PTPRD: variants seen among roughly 807,000 people sequenced by gnomAD.
PTPRD encodes the protein protein tyrosine phosphatase receptor type D.
Under a neutral mutation model 214.5 loss-of-function variants are expected in PTPRD, and 34 were observed. That is an observed-to-expected ratio of 0.16 (90% CI 0.12 to 0.21). The LOEUF is 0.21. PTPRD is among the 10% of genes least tolerant of loss of function. PTPRD has a pLI of 1.00. For missense variants in PTPRD, 2,545 were observed against 2,398.7 expected (o/e 1.06, Z -1.27); for synonymous variants, 1,128 against 845.7 (o/e 1.33, Z -5.79).
intron 8 of PTPRD, among the ~76,000 whole-genome samples, chr9:9,524,877 A>G (rs2073680894): frequency 6.6e-6 from 1 of 151,892 alleles, no homozygotes; most frequent in Non-Finnish European, 1.5e-5. Flanking sequence ...TTGTTTGTTG[A>G]GACGGAGTCT....
intron 3 of PTPRD, among the ~76,000 whole-genome samples, chr9:10,216,996 G>A (rs1445508744): frequency 6.6e-6 from 1 of 151,716 alleles, no homozygotes; most frequent in Non-Finnish European, 1.5e-5. Context: ...CCTTTTTATT[G>A]TTATTGGCCT....
At chr9:10,146,108 A>C (rs1241206607) in intron 3 of PTPRD, among the ~76,000 whole-genome samples, 1 of 150,918 alleles carries the variant, frequency 6.6e-6, no homozygotes, top group African/African-American at 2.4e-5. Context: ...TTATTTTCTT[A>C]GTTTCCTCTC....
intron 14 of PTPRD, among the ~76,000 whole-genome samples, chr9:8,619,942 T>G (rs1322237775): frequency 2.6e-5 from 4 of 152,030 alleles, no homozygotes; most frequent in Non-Finnish European, 5.9e-5. Context: ...TCACCACATT[T>G]ACCAGCATGT....
At chr9:9,064,059 C>T (rs1247785025) in intron 10 of PTPRD, among the ~76,000 whole-genome samples, 1 of 152,072 alleles carries the variant, frequency 6.6e-6, no homozygotes, top group East Asian at 1.9e-4. Context: ...GTGCTTTAAT[C>T]AGTTTCATAT....
intron 3 of PTPRD, among the ~76,000 whole-genome samples, chr9:10,319,912 A>C (rs1486690498): frequency 1.3e-5 from 2 of 151,924 alleles, no homozygotes; most frequent in Non-Finnish European, 2.9e-5. Context: ...TCATCAACCT[A>C]CTCAGTTCAA....
chr9:10,426,809 A>T (rs2098624388), intron 2 of PTPRD, among the ~76,000 whole-genome samples: 1 of 152,096 alleles, frequency 6.6e-6, no homozygotes, highest in South Asian at 2.1e-4. Flanking sequence ...TGTAGCCAAA[A>T]CGCATCACAC....
At chr9:8,449,940 A>G in intron 33 of PTPRD, 103 bp from the exon 34 acceptor site, 1 of 1,164,280 alleles carries the variant, frequency 8.6e-7, no homozygotes, top group Non-Finnish European at 1.2e-6. Flanking sequence ...CCAAGTTTTC[A>G]GTTTTACAAC....
intron 39 of PTPRD, among the ~76,000 whole-genome samples, chr9:8,342,473 TCA>T (rs1429431762): frequency 6.6e-6 from 1 of 152,076 alleles, no homozygotes; most frequent in Non-Finnish European, 1.5e-5. Context: ...ATCAAACCCT[TCA>T]GGCTGAGGAC....
At chr9:9,267,672 CAT>C (rs1940642539) in intron 9 of PTPRD, among the ~76,000 whole-genome samples, 1 of 151,118 alleles carries the variant, frequency 6.6e-6, no homozygotes, top group Non-Finnish European at 1.5e-5. Context: ...TTAAAAGGAT[CAT>C]ATACCATGAT....
At chr9:8,377,004 G>A (rs2083444289) in intron 37 of PTPRD, among the ~76,000 whole-genome samples, 1 of 152,094 alleles carries the variant, frequency 6.6e-6, no homozygotes, top group Non-Finnish European at 1.5e-5. Context: ...TACAGAGAGA[G>A]GGATTTGAAA....
At chr9:8,751,410 A>AAAAAAAAAG (rs780641099) in intron 11 of PTPRD, among the ~76,000 whole-genome samples, 2 of 105,956 alleles carry the variant, frequency 1.9e-5, no homozygotes, top group African/African-American at 5.9e-5. Context: ...CTTAAAAAAA[A>AAAAAAAAAG]AAAAGAAAAG....
chr9:8,492,914 G>A lies in PTPRD; in HGVS notation c.2415C>T (p.Thr805=), dbSNP rs1270314979. The A allele has an allele frequency of 1.9e-6, 3 of 1,613,904 alleles. No individual in the cohort carries two copies. The highest frequency in any genetic ancestry group is 2.5e-6 in the Non-Finnish European group (3 of 1,179,844). Reference sequence around the variant, plus strand: ...GCTTGCTGCGAGCACCATCTCCTTTGGTTGTGTAGGCTGTGACGGTGAGGG... The same window carrying A: ...GCTTGCTGCGAGCACCATCTCCTTTAGTTGTGTAGGCTGTGACGGTGAGGG... ...SYSLTVTAYT[T]KGDGARSKPK... Residue 805 remains threonine, a synonymous_variant, in exon 27 of 46, where the codon ACC becomes ACT. Coordinates refer to ENST00000381196, the MANE Select transcript of PTPRD (RefSeq NM_002839.4).
intron 8 of PTPRD, among the ~76,000 whole-genome samples, chr9:9,496,621 G>C (rs888530927): frequency 1.1e-4 from 16 of 152,162 alleles, no homozygotes; most frequent in Admixed American, 2.0e-4. Flanking sequence ...TGATGATGTG[G>C]AGAAACCGAA....
At chr9:8,322,234 A>C (rs1405514320) in intron 44 of PTPRD, among the ~76,000 whole-genome samples, 3 of 152,180 alleles carry the variant, frequency 2.0e-5, no homozygotes, top group Non-Finnish European at 4.4e-5. Context: ...AATGGCCTCT[A>C]AGTGTTCAAG....
At chr9:8,904,559 C>T (rs2098694204) in intron 11 of PTPRD, among the ~76,000 whole-genome samples, 1 of 151,658 alleles carries the variant, frequency 6.6e-6, no homozygotes, top group Non-Finnish European at 1.5e-5. Flanking sequence ...GTAGTCCCAG[C>T]TACTCTGGAG....
intron 3 of PTPRD, among the ~76,000 whole-genome samples, chr9:10,254,539 G>A (rs188234485): frequency 1.2e-4 from 19 of 152,038 alleles, no homozygotes; most frequent in Admixed American, 2.6e-4. Flanking sequence ...GCATAAAAAC[G>A]ATTTAGCCCC....
At chr9:8,561,811 G>A (rs12349326) in intron 14 of PTPRD, among the ~76,000 whole-genome samples, 4,095 of 151,114 alleles carry the variant, frequency 0.027, 193 homozygotes, top group African/African-American at 0.094. Context: ...TAAGGGTAAC[G>A]GTTGAGATGT....
At chr9:8,943,582 T>G (rs553916455) in intron 11 of PTPRD, among the ~76,000 whole-genome samples, 1 of 144,740 alleles carries the variant, frequency 6.9e-6, no homozygotes, top group South Asian at 2.2e-4. Flanking sequence ...TTATTTTATT[T>G]ATTGATTTTT....
chr9:9,402,434 A>C (rs1238042764), intron 8 of PTPRD, among the ~76,000 whole-genome samples: 1 of 152,126 alleles, frequency 6.6e-6, no homozygotes, highest in East Asian at 1.9e-4. Flanking sequence ...AGGGAGATTT[A>C]ACAAAAAATT....
Sources: gnomAD v4.1 joint callset for allele counts (sites outside exome capture counted in the v4.1 genomes callset) on GRCh38, gnomAD v4.1.1 for gene constraint, MANE v1.5 for transcripts, NCBI Gene and HGNC (gene_info 2026-07-23, HGNC 2026-07-21) for gene names.